ANKS1B: variants seen among roughly 807,000 people sequenced by gnomAD.
ANKS1B encodes ankyrin repeat and sterile alpha motif domain-containing protein 1B.
ANKS1B carries 36 observed loss-of-function variants against 148.3 expected under a neutral mutation model. The observed-to-expected ratio is 0.24, with a 90% CI of 0.19 to 0.32. The LOEUF is 0.32. Among genes scored for constraint, ANKS1B ranks in the 10% least tolerant of loss-of-function variants. The pLI is 1.00. For synonymous variants in ANKS1B, 542 were observed against 560.8 expected, an observed-to-expected ratio of 0.97 and a Z score of 0.47; for missense variants, 1,157 against 1,542.6, an observed-to-expected ratio of 0.75 and a Z score of 4.19.
intron 25 of ANKS1B, among the ~76,000 whole-genome samples, chr12:98,761,415 CA>C (rs1474179293): frequency 1.3e-5 from 2 of 152,170 alleles, no homozygotes; most frequent in Admixed American, 1.3e-4. Context: ...AAGAAATATG[CA>C]GCATAAAATT....
chr12:98,741,716 C>T (rs2097800321), downstream of ANKS1B, among the ~76,000 whole-genome samples: 1 of 152,224 alleles, frequency 6.6e-6, no homozygotes, highest in Non-Finnish European at 1.5e-5. Context: ...CTCAGTCTCC[C>T]CTGACTCAAC....
intron 9 of ANKS1B, among the ~76,000 whole-genome samples, chr12:99,515,312 C>A (rs2096806224): frequency 6.6e-6 from 1 of 152,034 alleles, no homozygotes; most frequent in Non-Finnish European, 1.5e-5. Context: ...CCACAACTCC[C>A]ACCCTCAGAC....
intron 1 of ANKS1B, among the ~76,000 whole-genome samples, chr12:99,917,571 C>T (rs972503061): frequency 6.6e-6 from 1 of 152,222 alleles, no homozygotes; most frequent in Non-Finnish European, 1.5e-5. Context: ...CATCAAATTC[C>T]TTTCCACCTT....
intron 17 of ANKS1B, among the ~76,000 whole-genome samples, chr12:98,978,858 C>T (rs567978789): frequency 4.9e-4 from 74 of 151,976 alleles, no homozygotes; most frequent in Non-Finnish European, 8.5e-4. Flanking sequence ...ATTTTTAAAA[C>T]GAGGGCCGGG....
chr12:99,003,701 C>A (rs993407276), intron 17 of ANKS1B, among the ~76,000 whole-genome samples: 4 of 152,168 alleles, frequency 2.6e-5, no homozygotes, highest in African/African-American at 9.7e-5. Context: ...GAACAACTAG[C>A]ACCACTGTTG....
chr12:99,302,551 G>A (rs1003466545), intron 12 of ANKS1B, among the ~76,000 whole-genome samples: 1 of 152,130 alleles, frequency 6.6e-6, no homozygotes, highest in African/African-American at 2.4e-5. Flanking sequence ...GACAAGAAAC[G>A]AATGGGGGAT....
intron 9 of ANKS1B, among the ~76,000 whole-genome samples, chr12:99,618,917 T>C (rs552720710): frequency 1.3e-5 from 2 of 152,236 alleles, no homozygotes; most frequent in African/African-American, 4.8e-5. Context: ...TAACCAGAGC[T>C]GTGAAAAGCA....
intron 13 of ANKS1B, among the ~76,000 whole-genome samples, chr12:99,246,055 A>G (rs1249125240): frequency 1.3e-5 from 2 of 152,032 alleles, no homozygotes; most frequent in Non-Finnish European, 2.9e-5. Context: ...ATCAATTTCT[A>G]TGGAAACAAT....
In ANKS1B at chr12:99,722,988, A is replaced by C. The variant is rs183357847; in HGVS notation, c.1128+49934T>G. Among the ~76,000 whole-genome samples the C allele has an allele frequency of 3.7e-3, 558 of 152,258 alleles. 6 individuals are homozygous for C. The highest frequency in any genetic ancestry group is 3.4e-3 in the Non-Finnish European group (229 of 68,022). On this transcript the variant is annotated intron_variant, in intron 8 of 26. Coordinates refer to ENST00000683438, the MANE Select transcript of ANKS1B (RefSeq NM_001352186.2). ...GTGAGTGTGCCATCCAGCCTGGGAA[A>C]CCATGCTTTTTCCACAGACTGTGCA...
At chr12:98,773,305 A>C in intron 24 of ANKS1B, 126 bp from the exon 25 acceptor site, 2 of 1,036,926 alleles carry the variant, frequency 1.9e-6, no homozygotes, top group Non-Finnish European at 2.7e-6. Context: ...AGCAACACTC[A>C]AAGTGGTCCA....
intron 11 of ANKS1B, among the ~76,000 whole-genome samples, chr12:99,419,619 TAA>T (rs1429379839): frequency 6.6e-6 from 1 of 152,166 alleles, no homozygotes; most frequent in Admixed American, 6.5e-5. Context: ...TTTTTACAAA[TAA>T]GAGTGGGCAT....
At chr12:99,037,733 A>G (rs2099956423) in intron 17 of ANKS1B, among the ~76,000 whole-genome samples, 2 of 152,178 alleles carry the variant, frequency 1.3e-5, no homozygotes, top group African/African-American at 2.4e-5. Context: ...TTAAGGTACT[A>G]TCAGGTCAGT....
At chr12:99,229,762 G>A (rs1193207702) in intron 14 of ANKS1B, among the ~76,000 whole-genome samples, 1 of 151,892 alleles carries the variant, frequency 6.6e-6, no homozygotes, top group African/African-American at 2.4e-5. Context: ...CCGGTATGAG[G>A]TCACTAATGG....
At chr12:98,953,024 A>G (rs1597479054) in intron 17 of ANKS1B, among the ~76,000 whole-genome samples, 1 of 144,306 alleles carries the variant, frequency 6.9e-6, no homozygotes, top group Non-Finnish European at 1.5e-5. Context: ...GCACTCAGCT[A>G]TTTTTTTTTT....
chr12:98,841,102 T>G (rs1292434564), intron 17 of ANKS1B, among the ~76,000 whole-genome samples: 1 of 152,196 alleles, frequency 6.6e-6, no homozygotes, highest in Admixed American at 6.5e-5. Context: ...GCAGGATATT[T>G]ACTGCTAACG....
At chr12:99,097,312 T>C (rs2056519752) in intron 15 of ANKS1B, 1 of 152,174 alleles carries the variant, frequency 6.6e-6, no homozygotes, top group Admixed American at 6.6e-5. Flanking sequence ...CAAAATGTTC[T>C]TAATTTTTTT....
chr12:99,544,828 G>A (rs1299244605), intron 9 of ANKS1B, among the ~76,000 whole-genome samples: 1 of 152,100 alleles, frequency 6.6e-6, no homozygotes, highest in African/African-American at 2.4e-5. Flanking sequence ...TCTGTATAAA[G>A]TCTTACATAG....
intron 14 of ANKS1B, among the ~76,000 whole-genome samples, chr12:99,169,533 T>A (rs1451742404): frequency 6.6e-6 from 1 of 152,204 alleles, no homozygotes; most frequent in Non-Finnish European, 1.5e-5. Flanking sequence ...CACATACTTT[T>A]CAAAGAATGT....
chr12:99,210,143 C>T (rs928796280), intron 14 of ANKS1B, among the ~76,000 whole-genome samples: 1 of 152,118 alleles, frequency 6.6e-6, no homozygotes, highest in Admixed American at 6.6e-5. Flanking sequence ...CTTTCTTTAA[C>T]TCTTATATTT....
Sources: allele counts gnomAD v4.1 joint callset (sites outside exome capture counted in the v4.1 genomes callset), GRCh38; gene constraint gnomAD v4.1.1; transcripts MANE v1.5; gene names NCBI Gene and HGNC (gene_info 2026-07-23, HGNC 2026-07-21).